Variants in TRIQK observed in about 807,000 individuals in gnomAD.
TRIQK encodes triple QxxK/R motif containing.
Under a neutral mutation model 10.8 loss-of-function variants are expected in TRIQK, and 10 were observed. That is an observed-to-expected ratio of 0.92 (90% CI 0.57 to 1.57). The LOEUF (loss-of-function observed/expected upper bound fraction) is 1.57. Ranked by LOEUF, TRIQK falls within the 40% of genes most tolerant of loss-of-function variation. The probability of loss-of-function intolerance (pLI) is 0.00; values close to 1 mark genes in which losing one functional copy is unlikely to be tolerated. For synonymous variants in TRIQK, 33 were observed against 33.7 expected (o/e 0.98, Z 0.07); for missense variants, 107 against 97.7 (o/e 1.09, Z -0.40).
intron 1 of TRIQK, among the ~76,000 whole-genome samples, chr8:92,994,922 T>C (rs542922277): frequency 1.0e-4 from 14 of 136,982 alleles, no homozygotes; most frequent in African/African-American, 4.4e-4. Flanking sequence ...ATATGTTCCT[T>C]CTCTTAAAAA....
intron 1 of TRIQK, chr8:92,972,840 G>A (rs1812888761): frequency 6.6e-6 from 1 of 152,180 alleles, no homozygotes; most frequent in African/African-American, 2.4e-5. Context: ...ATGGTCAGAA[G>A]GTTCCCCTGT....
chr8:92,974,205 A>C (rs1812906155), intron 1 of TRIQK: 1 of 152,256 alleles, frequency 6.6e-6, no homozygotes, highest in Non-Finnish European at 1.5e-5. Context: ...AACAAACAGC[A>C]CTTCTACATC....
chr8:92,968,996 T>C (rs1458573030), upstream of TRIQK, among the ~76,000 whole-genome samples: 1 of 152,148 alleles, frequency 6.6e-6, no homozygotes, highest in Non-Finnish European at 1.5e-5. Context: ...AAGGAAGGGG[T>C]CCAGTTTCAG....
intron 3 of TRIQK, among the ~76,000 whole-genome samples, chr8:92,909,734 A>C (rs1397684138): frequency 6.6e-6 from 1 of 151,752 alleles, no homozygotes; most frequent in Non-Finnish European, 1.5e-5. Flanking sequence ...CCAAGCAAAA[A>C]TTTATACATG....
chr8:92,907,918 T>C (rs976929896), intron 3 of TRIQK, among the ~76,000 whole-genome samples: 1 of 152,130 alleles, frequency 6.6e-6, no homozygotes, highest in African/African-American at 2.4e-5. Context: ...AAATACCTTA[T>C]TGTCATCATT....
intron 3 of TRIQK, among the ~76,000 whole-genome samples, chr8:92,905,831 T>A (rs2130377174): frequency 6.6e-6 from 1 of 152,226 alleles, no homozygotes; most frequent in East Asian, 1.9e-4. Context: ...AACAGTGCCA[T>A]ACCCCCTTCA....
At chr8:92,914,381 G>A (rs1378681593) in intron 3 of TRIQK, among the ~76,000 whole-genome samples, 2 of 151,944 alleles carry the variant, frequency 1.3e-5, no homozygotes, top group African/African-American at 4.8e-5. Context: ...AACAAACAAA[G>A]GAGACTAAAT....
intron 3 of TRIQK, among the ~76,000 whole-genome samples, chr8:92,911,869 G>T (rs1809587447): frequency 6.8e-6 from 1 of 147,184 alleles, no homozygotes; most frequent in Non-Finnish European, 1.5e-5. Context: ...ATGTATATAT[G>T]AGTGTACATA....
chr8:92,902,362 C>G (rs1808988106), intron 3 of TRIQK, among the ~76,000 whole-genome samples: 1 of 152,150 alleles, frequency 6.6e-6, no homozygotes, highest in African/African-American at 2.4e-5. Flanking sequence ...GACAGGGCAG[C>G]ACTGAGTTCC....
chr8:92,946,816 A>G (rs983831516), intron 2 of TRIQK, among the ~76,000 whole-genome samples: 3 of 146,068 alleles, frequency 2.1e-5, no homozygotes, highest in African/African-American at 7.7e-5. Flanking sequence ...GCTGGAGTGC[A>G]GTGGTGCAAT....
intron 1 of TRIQK, among the ~76,000 whole-genome samples, chr8:92,996,093 A>ACTT (rs1813151472): frequency 1.3e-5 from 2 of 152,086 alleles, no homozygotes; most frequent in African/African-American, 4.8e-5. Context: ...GTGAGATTTT[A>ACTT]TCAATGTAAA....
chr8:92,924,075 A>G (rs1810320991), intron 2 of TRIQK, among the ~76,000 whole-genome samples: 1 of 152,152 alleles, frequency 6.6e-6, no homozygotes, highest in Admixed American at 6.5e-5. Flanking sequence ...TAAAAGAAAT[A>G]CACTTACTAA....
At chr8:92,960,682 G>C (rs1238314710) in intron 1 of TRIQK, 1 of 152,160 alleles carries the variant, frequency 6.6e-6, no homozygotes, top group Non-Finnish European at 1.5e-5. Flanking sequence ...TTGGAAGAAG[G>C]AGGCCATAAG....
chr8:92,896,065 C>G (rs1253123294), intron 3 of TRIQK, among the ~76,000 whole-genome samples: 1 of 152,142 alleles, frequency 6.6e-6, no homozygotes, highest in African/African-American at 2.4e-5. Context: ...TCAGAGATCT[C>G]TGAGAATGCC....
intron 1 of TRIQK, among the ~76,000 whole-genome samples, chr8:93,010,818 T>C (rs1461967477): frequency 4.6e-5 from 7 of 151,992 alleles, no homozygotes; most frequent in Admixed American, 4.6e-4. Flanking sequence ...AGAGGGAAAA[T>C]AGGTGTTTGG....
intron 1 of TRIQK, among the ~76,000 whole-genome samples, chr8:92,981,540 A>T (rs1395789308): frequency 6.6e-6 from 1 of 151,664 alleles, no homozygotes; most frequent in African/African-American, 2.4e-5. Flanking sequence ...GTATTTTGTA[A>T]CTATGTTGAT....
At chr8:92,962,994 C>G (rs1228621110) in intron 1 of TRIQK, among the ~76,000 whole-genome samples, 1 of 152,170 alleles carries the variant, frequency 6.6e-6, no homozygotes, top group East Asian at 1.9e-4. Context: ...GTTGATATGG[C>G]AGGCGCCACA....
intron 2 of TRIQK, 86 bp from the exon 3 acceptor site, chr8:92,917,096 T>C: frequency 1.5e-6 from 1 of 664,624 alleles, no homozygotes; most frequent in Non-Finnish European, 2.2e-6. Flanking sequence ...AAAATTCATT[T>C]TTAAAGCAAT....
At chr8:92,963,612 G>A (rs1377364475) in intron 1 of TRIQK, 1 of 152,064 alleles carries the variant, frequency 6.6e-6, no homozygotes, top group Non-Finnish European at 1.5e-5. Flanking sequence ...GTACAATTTT[G>A]GCCAGACGCG....
Sources: allele counts gnomAD v4.1 joint callset (sites outside exome capture counted in the v4.1 genomes callset), GRCh38; gene constraint gnomAD v4.1.1; transcripts MANE v1.5; gene names NCBI Gene and HGNC (gene_info 2026-07-23, HGNC 2026-07-21).